Variants in CEP192 observed in about 807,000 individuals in gnomAD.
The protein encoded by CEP192 is centrosomal protein of 192 kDa.
Under a neutral mutation model 271.8 loss-of-function variants are expected in CEP192, and 151 were observed. The observed-to-expected ratio is 0.56, with a 90% CI of 0.49 to 0.64. The LOEUF is 0.64. CEP192 is among the 30% of genes least tolerant of loss of function. The pLI is 0.00. For synonymous variants in CEP192, 995 were observed against 1,076.5 expected (o/e 0.92, Z 1.48); for missense variants, 2,910 against 3,020.5 (o/e 0.96, Z 0.86).
intron 30 of CEP192, among the ~76,000 whole-genome samples, chr18:13,083,870 AG>A (rs1255688593): frequency 1.3e-5 from 2 of 152,192 alleles, no homozygotes; most frequent in African/African-American, 4.8e-5. Context: ...TCTAAGAGTC[AG>A]GTCCCTCAGC....
At chr18:13,017,453 G>A in intron 7 of CEP192, 117 bp downstream of exon 7, 1 of 679,146 alleles carries the variant, frequency 1.5e-6, no homozygotes, top group Non-Finnish European at 2.3e-6. Flanking sequence ...TTTGGACTCT[G>A]TGTTTCCGAG....
chr18:13,088,720 A>AT (rs2039007607), intron 32 of CEP192: 1 of 243,584 alleles, frequency 4.1e-6, no homozygotes, highest in Admixed American at 4.7e-5. Flanking sequence ...CTAATACAGA[A>AT]TTTGGGAAAT....
chr18:13,049,324 GTTTAT>G lies in CEP192; in HGVS notation c.2534_2538del (p.Val845GlyfsTer2). On this transcript the variant is annotated frameshift_variant, in exon 16 of 45. Coordinates refer to ENST00000506447, the MANE Select transcript of CEP192 (RefSeq NM_032142.4). LOFTEE classifies it high-confidence loss of function. ...ACCAGAAGAAAACACAGCAGCTATT[GTTTAT>G]GTTGAAAATGGAGAGAGTGAGAATC... 6.2e-7 allele frequency: 1 copy of G among 1,614,116 alleles called. No individual in the cohort carries two copies. The highest frequency in any genetic ancestry group is 8.5e-7 in the Non-Finnish European group (1 of 1,180,004).
At chr18:13,094,634 G>A (rs1305285838) in intron 34 of CEP192, among the ~76,000 whole-genome samples, 1 of 152,192 alleles carries the variant, frequency 6.6e-6, no homozygotes, top group Admixed American at 6.5e-5. Flanking sequence ...AGTAGAGAAT[G>A]GTGTTAGAAA....
At chr18:13,111,481 A>G (rs1392121440) in intron 40 of CEP192, among the ~76,000 whole-genome samples, 1 of 152,174 alleles carries the variant, frequency 6.6e-6, no homozygotes, top group Admixed American at 6.5e-5. Context: ...ACAGAGATTC[A>G]CCGAAAATCA....
chr18:13,116,323 T>C (rs2040424304), intron 42 of CEP192, 54 bp from the exon 43 acceptor site: 1 of 1,560,686 alleles, frequency 6.4e-7, no homozygotes, highest in Admixed American at 1.9e-5. Flanking sequence ...ATAAAAACAG[T>C]TTAAGTTACT....
chr18:13,084,872 G>T (rs2038816938), intron 30 of CEP192, among the ~76,000 whole-genome samples: 1 of 151,586 alleles, frequency 6.6e-6, no homozygotes, highest in Non-Finnish European at 1.5e-5. Flanking sequence ...GGAGTGCAGT[G>T]GTACAATCTC....
At chr18:13,086,866 TG>T in intron 30 of CEP192, 150 bp from the exon 31 acceptor site, 1 of 567,880 alleles carries the variant, frequency 1.8e-6, no homozygotes, top group Non-Finnish European at 3.1e-6. Context: ...AATATACTGC[TG>T]GACTGGAAAT....
At chr18:13,008,928 G>A (rs1207087627) in intron 4 of CEP192, among the ~76,000 whole-genome samples, 2 of 151,468 alleles carry the variant, frequency 1.3e-5, no homozygotes, top group South Asian at 2.1e-4. Context: ...GGCTGGGCTC[G>A]AACGCCTGGA....
chr18:13,068,280 C>T, intron 23 of CEP192, 43 bp downstream of exon 23: 1 of 1,605,934 alleles, frequency 6.2e-7, no homozygotes, highest in Non-Finnish European at 8.5e-7. Context: ...AATTAAGCTT[C>T]TAAACCTCTT....
At position 13,067,972 on chromosome 18, in the gene CEP192, C is replaced by T. The variant is rs750825339; in HGVS notation, c.4614+16C>T. ...TATTAATGCTGTAAGTATGAACATA[C>T]AGTAAGAAACCATTTACAGAATGCA... On this transcript the variant is annotated intron_variant, in intron 22 of 44. Coordinates refer to ENST00000506447, the MANE Select transcript of CEP192 (RefSeq NM_032142.4). The T allele has an allele frequency of 6.2e-6, 10 of 1,602,616 alleles. No homozygotes were observed. In the East Asian group the frequency reaches 2.0e-4, roughly 32 times the overall value.
Position 13,029,948 on chromosome 18 carries a change from A to C in CEP192, c.1336A>C (p.Thr446Pro), listed in dbSNP as rs200779293. Reference protein sequence around the residue: ...INFTDAIWSPTCERRTCECHE... With the variant: ...INFTDAIWSPPCERRTCECHE... ...TTTCACTGATGCCATTTGGTCACCA[A>C]CTTGTGAAAGGCGAACATGTGAATG... The change falls in exon 10 of 45, where the codon ACT (threonine) becomes CCT (proline). Residue 446 changes from threonine to proline, a missense_variant. By Grantham distance (38) the Thr-to-Pro change is conservative. Coordinates refer to ENST00000506447, the MANE Select transcript of CEP192 (RefSeq NM_032142.4). 8 of 1,551,666 alleles carry C rather than the reference A, an allele frequency of 5.2e-6. No individual in the cohort carries two copies.
chr18:13,100,927 A>G (rs2039675167), intron 38 of CEP192, among the ~76,000 whole-genome samples: 1 of 152,238 alleles, frequency 6.6e-6, no homozygotes, highest in South Asian at 2.1e-4. Flanking sequence ...GGCCTTTGGA[A>G]TGAACTTCTT....
At chr18:13,000,510 A>G (rs2033573948) in intron 2 of CEP192, 1 of 152,108 alleles carries the variant, frequency 6.6e-6, no homozygotes, top group African/African-American at 2.4e-5. Context: ...TCACTTTTTA[A>G]TTCATTTCAG....
chr18:13,114,316 A>G, intron 42 of CEP192, 65 bp downstream of exon 42: 1 of 1,543,196 alleles, frequency 6.5e-7, no homozygotes. Flanking sequence ...AGAGTCAGTA[A>G]AATGCTCGAT....
At position 13,057,596 on chromosome 18, in the gene CEP192, G is replaced by A. The variant is rs764493549; in HGVS notation, c.4120G>A (p.Val1374Met). The change falls in exon 20 of 45, where the codon GTG (valine) becomes ATG (methionine). Residue 1374 changes from valine (V) to methionine (M), a missense_variant. Physicochemically the swap from Val to Met is conservative, Grantham distance 21. Transcript: ENST00000506447. ...GVTSGLGSVR[V>M]PEELKLPHAC... ...TTATTCTCACCCAGGGAGTGTCCGA[G>A]TGCCCGAGGAGTTGAAGCTTCCTCA... 1 of 1,614,030 alleles carries A rather than the reference G, an allele frequency of 6.2e-7. No homozygotes were observed. The highest frequency in any genetic ancestry group is 2.2e-5 in the East Asian group (1 of 44,876).
chr18:13,067,867 G>A lies in CEP192; in HGVS notation c.4525G>A (p.Asp1509Asn). The stretch of plus-strand genomic sequence containing the variant: ...AAAGAAAGACGTTCTTGATTTTGGT[G>A]ACTTGACTTATGGAGGCTGGAAAGC... ...TEKKDVLDFG[D>N]LTYGGWKALP... Residue 1509 changes from aspartate to asparagine, a missense_variant, in exon 22 of 45, where the codon GAC becomes AAC. Coordinates refer to ENST00000506447, the MANE Select transcript of CEP192 (RefSeq NM_032142.4). The A allele has an allele frequency of 6.2e-7, 1 of 1,612,564 alleles. No homozygotes were observed. The highest frequency in any genetic ancestry group is 8.5e-7 in the Non-Finnish European group (1 of 1,178,680).
intron 1 of CEP192, among the ~76,000 whole-genome samples, chr18:12,992,074 T>C (rs1212867010): frequency 2.0e-5 from 3 of 152,224 alleles, no homozygotes; most frequent in South Asian, 2.1e-4. Context: ...ACTTTTACTT[T>C]GCTGTTACTT....
chr18:13,063,946 G>T (rs560566696), intron 21 of CEP192, among the ~76,000 whole-genome samples: 2 of 150,760 alleles, frequency 1.3e-5, no homozygotes, highest in African/African-American at 4.9e-5. Flanking sequence ...TCAGCCTCCC[G>T]AGTAGCTGGG....
Sources: gnomAD v4.1 joint callset for allele counts (sites outside exome capture counted in the v4.1 genomes callset) on GRCh38, gnomAD v4.1.1 for gene constraint, MANE v1.5 for transcripts, NCBI Gene and HGNC (gene_info 2026-07-23, HGNC 2026-07-21) for gene names.